GPHN: variants seen among roughly 807,000 people sequenced by gnomAD.
The protein encoded by GPHN is gephyrin.
Under a neutral mutation model 95.5 loss-of-function variants are expected in GPHN, and 17 were observed. The observed-to-expected ratio is 0.18, with a 90% CI of 0.12 to 0.27. The LOEUF (loss-of-function observed/expected upper bound fraction) is 0.27. GPHN is among the 10% of genes least tolerant of loss of function. GPHN has a pLI of 1.00. For missense variants in GPHN, 660 were observed against 978.1 expected (o/e 0.67, Z 4.34); for synonymous variants, 320 against 322.5 (o/e 0.99, Z 0.08).
At chr14:67,412,945 G>T in the GPHN span, among the ~76,000 whole-genome samples, 1 of 152,000 alleles carries the variant, frequency 6.6e-6, no homozygotes, top group East Asian at 1.9e-4. Flanking sequence ...TTTATTTTTC[G>T]TAGAGATAGG....
chr14:67,201,490 A>C, the GPHN span: 1 of 455,974 alleles, frequency 2.2e-6, no homozygotes, highest in African/African-American at 2.0e-5. Context: ...GCAGTAGAAG[A>C]TATTCATCTC....
chr14:67,240,375 C>T, the GPHN span, among the ~76,000 whole-genome samples: 1 of 152,126 alleles, frequency 6.6e-6, no homozygotes, highest in Non-Finnish European at 1.5e-5. Context: ...GATGGAAAAA[C>T]ACCGTGGGAC....
intron 1 of GPHN, among the ~76,000 whole-genome samples, chr14:66,663,838 T>G (rs576328141): frequency 2.7e-4 from 41 of 152,254 alleles, no homozygotes; most frequent in Middle Eastern, 3.4e-3. Context: ...AATCCTGTTC[T>G]GACAAAACAG....
chr14:67,482,452 C>T, the GPHN span, among the ~76,000 whole-genome samples: 2 of 152,156 alleles, frequency 1.3e-5, no homozygotes, highest in African/African-American at 4.8e-5. Flanking sequence ...TTGGGATTCC[C>T]CTCCCATGCA....
intron 2 of GPHN, among the ~76,000 whole-genome samples, chr14:66,697,047 T>G (rs1275250802): frequency 2.0e-5 from 3 of 152,210 alleles, no homozygotes; most frequent in Admixed American, 2.0e-4. Context: ...TAAACAAAAT[T>G]TCTACACACT....
the GPHN span, chr14:67,204,407 A>T: frequency 7.7e-6 from 10 of 1,303,648 alleles, no homozygotes; most frequent in African/African-American, 1.5e-5. Flanking sequence ...TCACCACTGC[A>T]CTCCAACGTG....
intron 5 of GPHN, among the ~76,000 whole-genome samples, chr14:66,905,757 C>T (rs918024528): frequency 4.6e-5 from 7 of 152,106 alleles, no homozygotes; most frequent in Admixed American, 6.6e-5. Flanking sequence ...TCCCCAGTGT[C>T]TATTGTTCCC....
chr14:67,092,772 G>A (rs1247504828), intron 12 of GPHN, among the ~76,000 whole-genome samples: 3 of 152,070 alleles, frequency 2.0e-5, no homozygotes, highest in South Asian at 2.1e-4. Flanking sequence ...ATTCACGTGG[G>A]AGTGAATTTG....
At chr14:66,698,797 C>T (rs889522107) in intron 2 of GPHN, among the ~76,000 whole-genome samples, 20 of 152,170 alleles carry the variant, frequency 1.3e-4, no homozygotes, top group African/African-American at 2.7e-4. Flanking sequence ...TCCCTCCATT[C>T]GGCTCTGGGG....
chr14:67,619,982 C>T, the GPHN span: 4 of 1,599,694 alleles, frequency 2.5e-6, no homozygotes, highest in Admixed American at 3.4e-5. Context: ...CGGATCATGT[C>T]CCTAAGGGGC....
At chr14:66,855,273 A>G (rs2062751175) in intron 4 of GPHN, among the ~76,000 whole-genome samples, 1 of 152,168 alleles carries the variant, frequency 6.6e-6, no homozygotes, top group Non-Finnish European at 1.5e-5. Flanking sequence ...CCTTTAAGCA[A>G]TAACTCCCCA....
At chr14:67,594,217 C>G in the GPHN span, among the ~76,000 whole-genome samples, 1 of 152,196 alleles carries the variant, frequency 6.6e-6, no homozygotes, top group African/African-American at 2.4e-5. Context: ...AACGCAGTAG[C>G]TTGCACCTGT....
At chr14:66,819,043 T>A (rs574130584) in intron 3 of GPHN, among the ~76,000 whole-genome samples, 2 of 152,342 alleles carry the variant, frequency 1.3e-5, no homozygotes, top group South Asian at 2.1e-4. Flanking sequence ...AGGTTGTCTG[T>A]TTACTTTTTT....
the GPHN span, among the ~76,000 whole-genome samples, chr14:67,257,598 TAAAA>T: frequency 1.4e-5 from 2 of 145,592 alleles, no homozygotes; most frequent in Admixed American, 6.9e-5. Context: ...AACAGATAAC[TAAAA>T]AAAAAAGAAA....
intron 1 of GPHN, among the ~76,000 whole-genome samples, chr14:66,659,238 C>T (rs2065490015): frequency 6.6e-6 from 1 of 151,410 alleles, no homozygotes. Flanking sequence ...TTAGAAGTCT[C>T]TTGTTTAGAT....
intron 5 of GPHN, among the ~76,000 whole-genome samples, chr14:66,901,713 A>G (rs1367910869): frequency 6.6e-6 from 1 of 151,900 alleles, no homozygotes; most frequent in Non-Finnish European, 1.5e-5. Context: ...TGAGTTCCTT[A>G]TCTTCCCCAT....
rs146700566 is a variant in GPHN at position 66,823,758 on chromosome 14, C to T, written c.202-716C>T. On this transcript the variant is annotated intron_variant, in intron 3 of 22. Coordinates refer to ENST00000478722, the MANE Select transcript of GPHN (RefSeq NM_020806.5). ...ATTGTGGGGACCGTATTGTACATCT[C>T]GGTATCAGCCTGCTATTTGTATTTC... Among the ~76,000 whole-genome samples, 786 of 152,108 alleles carry T rather than the reference C, an allele frequency of 5.2e-3. 4 individuals carry two copies. The highest frequency in any genetic ancestry group is 0.018 in the African/African-American group (731 of 41,498).
chr14:67,192,649 C>T, the GPHN span, among the ~76,000 whole-genome samples: 8 of 151,568 alleles, frequency 5.3e-5, no homozygotes, highest in Non-Finnish European at 8.8e-5. Context: ...ATTATTTTGC[C>T]ACTCTTTACA....
chr14:67,406,989 G>A, the GPHN span, among the ~76,000 whole-genome samples: 2 of 152,140 alleles, frequency 1.3e-5, no homozygotes, highest in Non-Finnish European at 2.9e-5. Flanking sequence ...GGGGTGCTTG[G>A]AGTTCCCTGG....
Sources: allele counts gnomAD v4.1 joint callset (sites outside exome capture counted in the v4.1 genomes callset), GRCh38; gene constraint gnomAD v4.1.1; transcripts MANE v1.5; gene names NCBI Gene and HGNC (gene_info 2026-07-23, HGNC 2026-07-21).